ARHGEF28: variants seen among roughly 807,000 people sequenced by gnomAD.
ARHGEF28 encodes the protein Rho guanine nucleotide exchange factor 28.
Under a neutral mutation model 206.6 loss-of-function variants are expected in ARHGEF28, and 152 were observed. That is an observed-to-expected ratio of 0.74 (90% CI 0.64 to 0.84). The LOEUF (loss-of-function observed/expected upper bound fraction) is 0.84. Among genes scored for constraint, ARHGEF28 ranks in the 40% least tolerant of loss-of-function variants. The probability of loss-of-function intolerance (pLI) is 0.00; values close to 1 mark genes in which losing one functional copy is unlikely to be tolerated. For synonymous variants in ARHGEF28, 763 were observed against 776.4 expected (o/e 0.98, Z 0.29); for missense variants, 2,028 against 2,073.2 (o/e 0.98, Z 0.42).
intron 10 of ARHGEF28, among the ~76,000 whole-genome samples, chr5:73,837,771 T>G (rs1173599797): frequency 6.6e-6 from 1 of 150,794 alleles, no homozygotes; most frequent in African/African-American, 2.4e-5. Flanking sequence ...AGACAGAGTC[T>G]TCCTCTGTCA....
chr5:73,635,162 G>A (rs907077826), intron 1 of ARHGEF28, among the ~76,000 whole-genome samples: 1 of 152,122 alleles, frequency 6.6e-6, no homozygotes, highest in Admixed American at 6.5e-5. Flanking sequence ...TGACCAACAT[G>A]GATAAACCCC....
Position 73,867,931 on chromosome 5 carries a change from C to A in ARHGEF28, c.2208C>A (p.Ser736=), listed in dbSNP as rs1346814189. The A allele has an allele frequency of 6.2e-7, 1 of 1,614,004 alleles. No individual in the cohort carries two copies. Among genetic ancestry groups the A allele is most frequent in the South Asian group, 1.1e-5 (1 of 91,078 alleles). The change falls in exon 19 of 36, where the codon TCC becomes TCA. Residue 736 remains serine (S), a synonymous_variant. Transcript: ENST00000513042. ...GTCTCTCCTTGCACCCTTCTTCCTC[C>A]GTGCCTGTTGGATTGCCGACTGGAA... ...QPGLSLHPSS[S]VPVGLPTGRR...
At chr5:73,892,396 G>A (rs1359333148) in intron 27 of ARHGEF28, among the ~76,000 whole-genome samples, 166 bp downstream of exon 27, 1 of 151,550 alleles carries the variant, frequency 6.6e-6, no homozygotes, top group East Asian at 1.9e-4. Context: ...TCTCCTCCAC[G>A]CCTCCCTGCA....
intron 30 of ARHGEF28, 152 bp downstream of exon 30, chr5:73,898,245 C>A: frequency 4.3e-6 from 4 of 926,924 alleles, no homozygotes; most frequent in South Asian, 3.8e-5. Flanking sequence ...AATATGCTAG[C>A]CTAAATGAAT....
chr5:73,719,824 A>C (rs1472557174), intron 2 of ARHGEF28, among the ~76,000 whole-genome samples: 1 of 152,260 alleles, frequency 6.6e-6, no homozygotes, highest in Non-Finnish European at 1.5e-5. Flanking sequence ...CTGTTCCTGG[A>C]GGCAAGCCCT....
chr5:73,814,380 T>G (rs906331843), intron 9 of ARHGEF28, among the ~76,000 whole-genome samples: 2 of 152,152 alleles, frequency 1.3e-5, no homozygotes, highest in South Asian at 4.2e-4. Context: ...TTACTTGCAA[T>G]CCATTCTTGT....
intron 4 of ARHGEF28, among the ~76,000 whole-genome samples, chr5:73,768,310 G>A (rs1753025055): frequency 6.6e-6 from 1 of 152,158 alleles, no homozygotes; most frequent in African/African-American, 2.4e-5. Context: ...CTGACAGCTT[G>A]CGCTGTGTGC....
At chr5:73,633,570 ATTT>A (rs764440038) in intron 1 of ARHGEF28, among the ~76,000 whole-genome samples, 2 of 101,064 alleles carry the variant, frequency 2.0e-5, no homozygotes, top group Non-Finnish European at 3.8e-5. Context: ...AATACCTTTA[ATTT>A]TTTTTTTTTT....
intron 4 of ARHGEF28, among the ~76,000 whole-genome samples, chr5:73,771,115 G>T (rs1753196875): frequency 6.6e-6 from 1 of 152,202 alleles, no homozygotes; most frequent in Non-Finnish European, 1.5e-5. Context: ...TTTACCAATG[G>T]TATAATTTGA....
Position 73,892,096 on chromosome 5 carries a change from A to T in ARHGEF28, c.3432A>T (p.Arg1144Ser). The T allele has an allele frequency of 1.3e-6, 2 of 1,599,866 alleles. No homozygotes were observed. The highest frequency in any genetic ancestry group is 1.7e-6 in the Non-Finnish European group (2 of 1,172,478). ...SVISLQKLIA[R>S]EVANEERGMF... ...TTTCCCTTCAAAAGCTTATTGCTAG[A>T]GAAGTTGCTAATGAGGAGAGAGGAA... Residue 1144 changes from arginine to serine, a missense_variant, in exon 27 of 36, where the codon AGA (arginine) becomes AGT (serine). Arg to Ser is a moderately radical substitution (Grantham distance 110). Coordinates refer to ENST00000513042, the MANE Select transcript of ARHGEF28 (RefSeq NM_001177693.2).
intron 4 of ARHGEF28, among the ~76,000 whole-genome samples, chr5:73,756,113 T>C (rs1221170449): frequency 6.6e-6 from 1 of 152,234 alleles, no homozygotes; most frequent in East Asian, 1.9e-4. Flanking sequence ...TGCACATTTT[T>C]AATTTCTACA....
At chr5:73,790,852 C>A (rs1246843289) in intron 7 of ARHGEF28, among the ~76,000 whole-genome samples, 1 of 152,108 alleles carries the variant, frequency 6.6e-6, no homozygotes, top group Non-Finnish European at 1.5e-5. Context: ...GCAACACATG[C>A]AGGTGCAGTA....
intron 13 of ARHGEF28, among the ~76,000 whole-genome samples, chr5:73,850,871 T>C (rs1274480588): frequency 1.1e-4 from 16 of 152,158 alleles, no homozygotes; most frequent in Admixed American, 1.0e-3. Flanking sequence ...ACAAGGCTAC[T>C]TGAGTGAAGT....
intron 11 of ARHGEF28, among the ~76,000 whole-genome samples, chr5:73,845,620 G>A (rs1758288277): frequency 1.3e-5 from 2 of 152,110 alleles, no homozygotes; most frequent in Non-Finnish European, 2.9e-5. Context: ...TGGGACTTGC[G>A]ATATCAATAA....
chr5:73,874,558 C>T (rs1186850780), intron 22 of ARHGEF28, among the ~76,000 whole-genome samples: 1 of 38,176 alleles, frequency 2.6e-5, no homozygotes, highest in African/African-American at 1.4e-4. Context: ...CTATCCCTCC[C>T]CCCTCCCCCC....
At chr5:73,663,011 A>G (rs1198078167) in intron 1 of ARHGEF28, among the ~76,000 whole-genome samples, 2 of 152,288 alleles carry the variant, frequency 1.3e-5, no homozygotes, top group South Asian at 2.1e-4. Flanking sequence ...GCTGGAGTGC[A>G]ATGGCCCAAT....
At chr5:73,753,501 A>T (rs529024830) in intron 4 of ARHGEF28, among the ~76,000 whole-genome samples, 1 of 152,308 alleles carries the variant, frequency 6.6e-6, no homozygotes, top group African/African-American at 2.4e-5. Context: ...TTCCCTTGGC[A>T]AGTTTTCTTG....
chr5:73,897,827 A>T, intron 29 of ARHGEF28, 135 bp from the exon 30 acceptor site: 1 of 1,002,790 alleles, frequency 1.0e-6, no homozygotes, highest in Non-Finnish European at 1.4e-6. Context: ...ACCTTTAAAA[A>T]TGTAAAAATC....
At chr5:73,739,129 C>G (rs1253287827) in intron 2 of ARHGEF28, among the ~76,000 whole-genome samples, 1 of 140,906 alleles carries the variant, frequency 7.1e-6, no homozygotes, top group African/African-American at 2.5e-5. Flanking sequence ...TAAAAGGAAA[C>G]CTTTTTTTTT....
Sources: gnomAD v4.1 joint callset for allele counts (sites outside exome capture counted in the v4.1 genomes callset) on GRCh38, gnomAD v4.1.1 for gene constraint, MANE v1.5 for transcripts, NCBI Gene and HGNC (gene_info 2026-07-23, HGNC 2026-07-21) for gene names.